Variants in SELENOF observed in about 807,000 individuals in gnomAD.
The protein encoded by SELENOF is 15 kDa selenoprotein.
Under a neutral mutation model 20.5 loss-of-function variants are expected in SELENOF, and 16 were observed. That is an observed-to-expected ratio of 0.78 (90% confidence interval 0.53 to 1.19). SELENOF has a LOEUF of 1.19. Ranked by LOEUF, SELENOF falls within the 50% of genes most tolerant of loss-of-function variation. The pLI, the probability that SELENOF is intolerant of heterozygous loss-of-function variation, is 0.00. For missense variants in SELENOF, 215 were observed against 194.2 expected (o/e 1.11, Z -0.64); for synonymous variants, 78 against 74.5 (o/e 1.05, Z -0.24).
intron 2 of SELENOF, among the ~76,000 whole-genome samples, chr1:86,885,422 T>G (rs1659187775): frequency 1.3e-5 from 2 of 152,164 alleles, no homozygotes; most frequent in Non-Finnish European, 2.9e-5. Context: ...TAAGTTCATT[T>G]ATAACACTGA....
intron 1 of SELENOF, among the ~76,000 whole-genome samples, chr1:86,913,331 A>G (rs1370284550): frequency 1.3e-5 from 2 of 152,212 alleles, no homozygotes; most frequent in East Asian, 1.9e-4. Context: ...ATAAGTTAAA[A>G]GTACACTTTT....
intron 2 of SELENOF, among the ~76,000 whole-genome samples, chr1:86,894,597 T>G (rs1659472663): frequency 6.6e-6 from 1 of 152,166 alleles, no homozygotes; most frequent in South Asian, 2.1e-4. Context: ...CCCAGTGACT[T>G]GGGAGTCCCA....
chr1:86,914,286 G>A (rs1660079546), upstream of SELENOF: 1 of 621,686 alleles, frequency 1.6e-6, no homozygotes, highest in Non-Finnish European at 2.9e-6. Flanking sequence ...ATCACTGGGT[G>A]CTTTCGATTA....
chr1:86,908,303 T>C (rs1176720473), intron 1 of SELENOF, among the ~76,000 whole-genome samples: 1 of 152,208 alleles, frequency 6.6e-6, no homozygotes, highest in Non-Finnish European at 1.5e-5. Flanking sequence ...ATGAACTCCA[T>C]GAAAATGAAT....
At chr1:86,898,329 G>T (rs1405720461) in intron 2 of SELENOF, among the ~76,000 whole-genome samples, 1 of 152,204 alleles carries the variant, frequency 6.6e-6, no homozygotes, top group Non-Finnish European at 1.5e-5. Context: ...TCAGCAGAAT[G>T]ACAAGGGGTT....
chr1:86,864,883 C>T (rs528121601), intron 4 of SELENOF, among the ~76,000 whole-genome samples: 1 of 152,214 alleles, frequency 6.6e-6, no homozygotes, highest in South Asian at 2.1e-4. Flanking sequence ...ATCTGCCCAC[C>T]TCCGCCTCCC....
intron 3 of SELENOF, among the ~76,000 whole-genome samples, chr1:86,875,803 G>T (rs1480443117): frequency 6.6e-6 from 1 of 152,124 alleles, no homozygotes; most frequent in South Asian, 2.1e-4. Context: ...AACAATGCTG[G>T]AGCTAAATTT....
intron 1 of SELENOF, among the ~76,000 whole-genome samples, chr1:86,906,604 A>G (rs1659831685): frequency 6.6e-6 from 1 of 152,212 alleles, no homozygotes. Context: ...AACTTAGCCA[A>G]CCTGCTGTAA....
intron 2 of SELENOF, among the ~76,000 whole-genome samples, chr1:86,899,915 G>A (rs1409825565): frequency 6.6e-5 from 10 of 151,266 alleles, no homozygotes; most frequent in African/African-American, 1.5e-4. Flanking sequence ...AGACGGGGTC[G>A]CGGCCGGGCA....
intron 2 of SELENOF, among the ~76,000 whole-genome samples, chr1:86,894,833 T>A (rs1346626646): frequency 6.6e-6 from 1 of 151,138 alleles, no homozygotes; most frequent in South Asian, 2.1e-4. Flanking sequence ...GGAAACCCTA[T>A]CTCTAAAACA....
intron 2 of SELENOF, among the ~76,000 whole-genome samples, chr1:86,892,899 C>T (rs1179519961): frequency 6.6e-6 from 1 of 152,090 alleles, no homozygotes; most frequent in Non-Finnish European, 1.5e-5. Flanking sequence ...GCAAAAGGGG[C>T]CTTCAGAAAG....
chr1:86,893,632 T>C (rs114058183), intron 2 of SELENOF, among the ~76,000 whole-genome samples: 2,504 of 151,400 alleles, frequency 0.017, 78 homozygotes, highest in African/African-American at 0.058. Flanking sequence ...AATAAATAAA[T>C]AAACAAACAA....
At chr1:86,902,895 G>A (rs767745018) in intron 2 of SELENOF, among the ~76,000 whole-genome samples, 16 of 152,166 alleles carry the variant, frequency 1.1e-4, no homozygotes, top group Non-Finnish European at 2.2e-4. Context: ...ACAATTAAGT[G>A]CCAGGTATTA....
In SELENOF at chr1:86,913,107, T is replaced by C. The variant is rs138184984; in HGVS notation, c.84+921A>G. Among the ~76,000 whole-genome samples the C allele has an allele frequency of 4.3e-4, 65 of 152,342 alleles. 1 individual carries two copies. The highest frequency in any genetic ancestry group is 6.8e-4 in the Non-Finnish European group (46 of 68,034). On this transcript the variant is annotated intron_variant, in intron 1 of 4. Coordinates refer to ENST00000331835, the MANE Select transcript of SELENOF (RefSeq NM_004261.5). ...AAGTAGCCAAAGCAAACAGCCAGGA[T>C]GCTTTCAAGCTCTTTGAGAAAGGTA...
chr1:86,900,639 C>T (rs1172539165), intron 2 of SELENOF, among the ~76,000 whole-genome samples: 1 of 149,890 alleles, frequency 6.7e-6, no homozygotes, highest in Non-Finnish European at 1.5e-5. Context: ...AGAGGGAGAC[C>T]GTGGGGAAAG....
chr1:86,900,759 C>T (rs1056772849), intron 2 of SELENOF, among the ~76,000 whole-genome samples: 3 of 152,094 alleles, frequency 2.0e-5, no homozygotes, highest in South Asian at 2.1e-4. Context: ...AGGATGGTCT[C>T]GATCTCCTGA....
chr1:86,867,553 G>A (rs1658635291), intron 4 of SELENOF, among the ~76,000 whole-genome samples: 1 of 151,982 alleles, frequency 6.6e-6, no homozygotes, highest in African/African-American at 2.4e-5. Context: ...AGGGGGTGGG[G>A]AAGAGGGAGA....
intron 2 of SELENOF, among the ~76,000 whole-genome samples, chr1:86,900,660 A>ACCGTG (rs1345418485): frequency 2.6e-5 from 4 of 151,056 alleles, no homozygotes; most frequent in Non-Finnish European, 4.4e-5. Context: ...GGAGAGGGAG[A>ACCGTG]GGGAGACGGA....
chr1:86,877,149 A>G (rs1658944086), intron 3 of SELENOF, among the ~76,000 whole-genome samples: 2 of 152,210 alleles, frequency 1.3e-5, no homozygotes, highest in African/African-American at 4.8e-5. Context: ...GCATCAATAA[A>G]TATTTATAGA....
Sources: gnomAD v4.1 joint callset for allele counts (sites outside exome capture counted in the v4.1 genomes callset) on GRCh38, gnomAD v4.1.1 for gene constraint, MANE v1.5 for transcripts, NCBI Gene and HGNC (gene_info 2026-07-23, HGNC 2026-07-21) for gene names.